Variants in SLC1A1 observed in about 807,000 individuals in gnomAD.
The protein encoded by SLC1A1 is solute carrier family 1 member 1, also known as excitatory amino acid transporter 3.
A neutral mutation model predicts 53.3 loss-of-function variants in SLC1A1; 43 were observed. That is an observed-to-expected ratio of 0.81 (90% CI 0.63 to 1.04). The LOEUF is 1.04. Ranked by LOEUF, SLC1A1 falls within the 50% of genes least tolerant of loss-of-function variation. The probability of loss-of-function intolerance (pLI) is 0.00; values close to 1 mark genes in which losing one functional copy is unlikely to be tolerated. For synonymous variants in SLC1A1, 307 were observed against 243.2 expected (o/e 1.26, Z -2.44); for missense variants, 748 against 664.9 (o/e 1.12, Z -1.37).
intron 2 of SLC1A1, among the ~76,000 whole-genome samples, chr9:4,545,490 T>C (rs1817414408): frequency 6.6e-6 from 1 of 152,368 alleles, no homozygotes; most frequent in South Asian, 2.1e-4. Context: ...ATTTTGATCA[T>C]GTTTTCAGCC....
At position 4,583,306 on chromosome 9, in the gene SLC1A1, G is replaced by A. The variant is rs1242503208; in HGVS notation, c.1328+134G>A. ...CCTGTTGCTGCTTTAATTTTCCTCT[G>A]ACCAGGCCATCTGATAACATGCCTA... On this transcript the variant is annotated intron_variant, in intron 11 of 11. Transcript: ENST00000262352. The surrounding 1 kb of genome is among the most constrained non-coding windows in gnomAD (Gnocchi z 4.6). The A allele has an allele frequency of 1.7e-6, 2 of 1,143,408 alleles. No homozygotes were observed. Among genetic ancestry groups the A allele is most frequent in the African/African-American group, 1.5e-5 (1 of 66,160 alleles). 70.8% of individuals were successfully genotyped at this position (1,143,408 alleles called of 1,614,324 possible).
chr9:4,508,115 G>A (rs558553313), intron 1 of SLC1A1, among the ~76,000 whole-genome samples: 1 of 152,276 alleles, frequency 6.6e-6, no homozygotes, highest in African/African-American at 2.4e-5. Context: ...GGAAGGGAAA[G>A]AGTGGAACGT....
chr9:4,515,012 A>ACT (rs1201282982), intron 1 of SLC1A1, among the ~76,000 whole-genome samples: 3 of 146,574 alleles, frequency 2.0e-5, no homozygotes, highest in South Asian at 4.4e-4. Context: ...TTTCTCGCTG[A>ACT]CTCTCTCTCT....
In SLC1A1 at chr9:4,583,033, T is replaced by C. The variant is rs1366009025; in HGVS notation, c.1194-5T>C. 1 of 1,614,146 alleles carries C rather than the reference T, an allele frequency of 6.2e-7. No individual in the cohort carries two copies. Among genetic ancestry groups the C allele is most frequent in the Non-Finnish European group, 8.5e-7 (1 of 1,180,042 alleles). ...AACTCCTTTCCTGCTGGTATGTTTC[T>C]GCAGTATCACGGCCACATCTGCCAG... On this transcript the variant is annotated splice_polypyrimidine_tract_variant and splice_region_variant and intron_variant, in intron 10 of 11. Transcript: ENST00000262352. This position sits in a 1 kb window ranked among gnomAD's most constrained non-coding sequence, Gnocchi z 4.6.
chr9:4,572,329 G>T lies in SLC1A1; in HGVS notation c.708G>T (p.Leu236=). The T allele has an allele frequency of 6.2e-7, 1 of 1,614,112 alleles. No homozygotes were observed. Among genetic ancestry groups the T allele is most frequent in the African/African-American group, 1.3e-5 (1 of 75,048 alleles). Residue 236 remains leucine, a synonymous_variant, in exon 7 of 12, where the codon CTG becomes CTT. Transcript: ENST00000262352. ...AAATGGGAGAAAAGGGACAAATTCT[G>T]GTGGATTTCTTCAATGCTTTGAGTG... The part of the protein sequence containing the change: ...IGKMGEKGQI[L]VDFFNALSDA...
rs1423949414 is a variant in SLC1A1, at chr9:4,583,882, T to TCTCTCTCTCACACA, written c.1328+711_1328+712insTCTCTCTCACACAC. Among the ~76,000 whole-genome samples, 6 of 136,966 alleles carry TCTCTCTCTCACACA rather than the reference T, an allele frequency of 4.4e-5. No individual in the cohort carries two copies. The highest frequency in any genetic ancestry group is 1.7e-4 in the African/African-American group (6 of 35,264). The allele number at this position is 136,966 out of a possible 152,430, so 89.9% of individuals were successfully genotyped here. ...CTCTCTCTCTCTCTCTCTCTCTCTC[T>TCTCTCTCTCACACA]CACACACACACACACACACACACAC... On this transcript the variant is annotated intron_variant, in intron 11 of 11. Coordinates refer to ENST00000262352, the MANE Select transcript of SLC1A1 (RefSeq NM_004170.6). The surrounding 1 kb of genome is among the most constrained non-coding windows in gnomAD (Gnocchi z 4.6).
intron 2 of SLC1A1, among the ~76,000 whole-genome samples, chr9:4,546,198 G>A (rs999295374): frequency 6.6e-6 from 1 of 152,132 alleles, no homozygotes; most frequent in African/African-American, 2.4e-5. Context: ...TCCTTAAATG[G>A]TCTTGATGTT....
chr9:4,531,317 G>C (rs947590577), intron 1 of SLC1A1, among the ~76,000 whole-genome samples: 11 of 152,182 alleles, frequency 7.2e-5, no homozygotes, highest in African/African-American at 1.4e-4. Context: ...TCAAAGAAAG[G>C]GGTGACAGAT....
chr9:4,504,964 T>C (rs907196541), intron 1 of SLC1A1, among the ~76,000 whole-genome samples: 1 of 152,004 alleles, frequency 6.6e-6, no homozygotes, highest in African/African-American at 2.4e-5. Flanking sequence ...TGAAATACCT[T>C]TGCTAATAAG....
In SLC1A1 at chr9:4,576,740, C is replaced by G; in HGVS notation, c.1170C>G (p.Gly390=). 6.2e-7 allele frequency: 1 copy of G among 1,614,076 alleles called. No individual in the cohort carries two copies. Among genetic ancestry groups the G allele is most frequent in the Non-Finnish European group, 8.5e-7 (1 of 1,179,986 alleles). ...CACAGTTGAATGACCTGGACTTGGG[C>G]ATTGGGCAGATCATCACCATCAGGT... ...FIAQLNDLDL[G]IGQIITISIT... is the part of the protein sequence containing the mutation. Residue 390 remains glycine, a synonymous_variant, in exon 10 of 12, where the codon GGC becomes GGG. Transcript: ENST00000262352.
chr9:4,585,455 T>G lies in SLC1A1; in HGVS notation c.1472T>G (p.Ile491Ser), dbSNP rs758962064. 6.2e-7 allele frequency: 1 copy of G among 1,614,168 alleles called. No homozygotes were observed. Reference protein sequence around the residue: ...IVNPFALESTILDNEDSDTKK... With the variant: ...IVNPFALESTSLDNEDSDTKK... ...AATCCCTTTGCCTTGGAATCCACAATCCTTGACAACGAAGACTCAGACACC... is the reference window on the plus strand; with the variant it reads ...AATCCCTTTGCCTTGGAATCCACAAGCCTTGACAACGAAGACTCAGACACC... The change falls in exon 12 of 12, where the codon ATC (isoleucine) becomes AGC (serine). Residue 491 changes from isoleucine to serine, a missense_variant. Physicochemically the swap from Ile to Ser is moderately radical, Grantham distance 142. Transcript: ENST00000262352.
chr9:4,495,140 T>C (rs181593317), intron 1 of SLC1A1, among the ~76,000 whole-genome samples: 215 of 152,322 alleles, frequency 1.4e-3, no homozygotes, highest in African/African-American at 4.9e-3. Flanking sequence ...GCAGTGCTAA[T>C]TTGAGACGTG....
At chr9:4,561,875 T>A (rs370136422) in intron 3 of SLC1A1, among the ~76,000 whole-genome samples, 209 of 152,266 alleles carry the variant, frequency 1.4e-3, no homozygotes, top group African/African-American at 4.9e-3. Flanking sequence ...TTTCTGATTT[T>A]AAAAAATTGT....
At chr9:4,529,434 T>C (rs576878256) in intron 1 of SLC1A1, among the ~76,000 whole-genome samples, 15 of 152,328 alleles carry the variant, frequency 9.8e-5, no homozygotes, top group African/African-American at 3.4e-4. Flanking sequence ...CAAATGTCTC[T>C]ACTCTTTTGA....
At position 4,573,928 on chromosome 9, in the gene SLC1A1, G is replaced by C. The variant is rs372322897; in HGVS notation, c.789G>C (p.Leu263Phe). The C allele has an allele frequency of 1.7e-5, 27 of 1,613,112 alleles. No individual in the cohort carries two copies. The highest frequency in any genetic ancestry group is 5.1e-6 in the Non-Finnish European group (6 of 1,179,178). Reference protein sequence around the residue: ...IIMCYMPLGILFLIAGKIIEV... With the variant: ...IIMCYMPLGIFFLIAGKIIEV... ...CCAGTTATATGCCACTAGGTATTTTGTTCCTGATTGCTGGGAAGATCATAG... is the reference window on the plus strand; with the variant it reads ...CCAGTTATATGCCACTAGGTATTTTCTTCCTGATTGCTGGGAAGATCATAG... Residue 263 changes from leucine (L) to phenylalanine (F), a missense_variant, in exon 8 of 12, where the codon TTG becomes TTC. Physicochemically the swap from Leu to Phe is conservative, Grantham distance 22 (BLOSUM62 0). Coordinates refer to ENST00000262352, the MANE Select transcript of SLC1A1 (RefSeq NM_004170.6).
chr9:4,576,474 C>A (rs1185679614), intron 9 of SLC1A1, 95 bp from the exon 10 acceptor site: 12 of 999,702 alleles, frequency 1.2e-5, no homozygotes, highest in East Asian at 2.4e-5. Flanking sequence ...CTAAAAGGAC[C>A]CTTTGTTTAC....
rs1821313605 is a variant in SLC1A1, at chr9:4,583,724, G to A, written c.1328+552G>A. Among the ~76,000 whole-genome samples the A allele has an allele frequency of 6.6e-6, 1 of 152,162 alleles. No individual in the cohort carries two copies. The highest frequency in any genetic ancestry group is 2.4e-5 in the African/African-American group (1 of 41,408). The stretch of plus-strand genomic sequence containing the variant: ...TGCCTATGTCATTGGGTTGTTTTAA[G>A]GACTGAGTGAGCTCATGTGAGTGGA... On this transcript the variant is annotated intron_variant, in intron 11 of 11. Transcript: ENST00000262352. The surrounding 1 kb of genome is among the most constrained non-coding windows in gnomAD (Gnocchi z 4.6).
intron 1 of SLC1A1, among the ~76,000 whole-genome samples, chr9:4,512,553 C>T (rs1821033020): frequency 6.6e-6 from 1 of 151,792 alleles, no homozygotes; most frequent in Admixed American, 6.6e-5. Context: ...AAGATAAAGG[C>T]ATTAGAAGAG....
chr9:4,558,092 C>G (rs938493427), intron 2 of SLC1A1, among the ~76,000 whole-genome samples: 10 of 152,138 alleles, frequency 6.6e-5, no homozygotes, highest in African/African-American at 2.4e-4. Flanking sequence ...ATTGACATTA[C>G]TCGCAGATGG....
Sources: allele counts gnomAD v4.1 joint callset (sites outside exome capture counted in the v4.1 genomes callset), GRCh38; gene constraint gnomAD v4.1.1; non-coding constraint Gnocchi (gnomAD v3.1); transcripts MANE v1.5; gene names NCBI Gene and HGNC (gene_info 2026-07-23, HGNC 2026-07-21).